The following ZNF445 variants were observed in gnomAD, a reference collection of about 807,000 sequenced individuals.
ZNF445 encodes zinc finger protein 168.
A neutral mutation model predicts 93.9 loss-of-function variants in ZNF445; 19 were observed. The observed-to-expected ratio is 0.20, with a 90% confidence interval of 0.14 to 0.30. ZNF445 has a LOEUF of 0.30. Among genes scored for constraint, ZNF445 ranks in the 10% least tolerant of loss-of-function variants. ZNF445 has a pLI of 1.00. For synonymous variants in ZNF445, 449 were observed against 446.3 expected, an observed-to-expected ratio of 1.01 and a Z score of -0.08; for missense variants, 1,058 against 1,259.4, an observed-to-expected ratio of 0.84 and a Z score of 2.42.
At chr3:44,458,176 C>T (rs1003013773) in intron 2 of ZNF445, 68 bp downstream of exon 2, 3 of 152,136 alleles carry the variant, frequency 2.0e-5, no homozygotes, top group Non-Finnish European at 4.4e-5. Flanking sequence ...CAAGACCATC[C>T]TGGTCAACAT....
intron 2 of ZNF445, 140 bp from the exon 3 acceptor site, chr3:44,455,836 G>A (rs1292968722): frequency 3.1e-6 from 1 of 327,834 alleles, no homozygotes; most frequent in Non-Finnish European, 5.5e-6. Context: ...GAGCTAGGCT[G>A]TCCCCTATTG....
rs1697849362 is a variant in ZNF445 at position 44,444,140 on chromosome 3, A to T, written c.*2435T>A. The T allele has an allele frequency of 6.6e-6, 1 of 152,242 alleles. No homozygotes were observed. The highest frequency in any genetic ancestry group is 1.5e-5 in the Non-Finnish European group (1 of 68,066). 9.4% of individuals were successfully genotyped at this position (152,242 alleles called of 1,614,324 possible). The stretch of plus-strand genomic sequence containing the variant: ...ACCCTGGGCAACCCTGTCTCAAAAA[A>T]TAAAAAAGACAGTAAAAATATCCCT... On this transcript the variant is annotated 3_prime_UTR_variant, in exon 8 of 8. Coordinates refer to ENST00000396077, the MANE Select transcript of ZNF445 (RefSeq NM_181489.6).
intron 1 of ZNF445, among the ~76,000 whole-genome samples, chr3:44,472,163 G>A (rs1030480064): frequency 1.3e-5 from 2 of 152,228 alleles, no homozygotes; most frequent in Non-Finnish European, 2.9e-5. Context: ...TTAAGTTAAA[G>A]AGAAAGAAAT....
rs1697653321 is a variant in ZNF445 at position 44,435,287 on chromosome 3, A to G, written c.*11288T>C. The G allele has an allele frequency of 6.6e-6, 1 of 152,142 alleles. No homozygotes were observed. Among genetic ancestry groups the G allele is most frequent in the African/African-American group, 2.4e-5 (1 of 41,420 alleles). 9.4% of individuals were successfully genotyped at this position (152,142 alleles called of 1,614,324 possible). A position where few individuals can be genotyped will look rare whatever the true frequency, so the allele number is the denominator to read the frequency against. ...TCCTCACTGGACAGCCTTGTGAATAATTCTTCTCTCTTTTGCAAAACCCAT... is the reference window on the plus strand; with the variant it reads ...TCCTCACTGGACAGCCTTGTGAATAGTTCTTCTCTCTTTTGCAAAACCCAT... On this transcript the variant is annotated 3_prime_UTR_variant, in exon 8 of 8. Transcript: ENST00000396077.
chr3:44,437,144 A>G lies in ZNF445; in HGVS notation c.*9431T>C, dbSNP rs977643411. ...CATGCCTCCCCTCTCCAGGCCATATAGGGTAACTTCCTGATGTTGCCATGG... is the reference window on the plus strand; with the variant it reads ...CATGCCTCCCCTCTCCAGGCCATATGGGGTAACTTCCTGATGTTGCCATGG... On this transcript the variant is annotated 3_prime_UTR_variant, in exon 8 of 8. Transcript: ENST00000396077. 6.6e-6 allele frequency: 1 copy of G among 152,240 alleles called. No homozygotes were observed. Among genetic ancestry groups the G allele is most frequent in the African/African-American group, 2.4e-5 (1 of 41,472 alleles). The allele number at this position is 152,240 out of a possible 1,614,324, so 9.4% of individuals were successfully genotyped here. A position where few individuals can be genotyped will look rare whatever the true frequency, so the allele number is the denominator to read the frequency against.
chr3:44,475,435 G>A (rs1159096978), intron 1 of ZNF445, among the ~76,000 whole-genome samples: 1 of 151,662 alleles, frequency 6.6e-6, no homozygotes, highest in African/African-American at 2.4e-5. Context: ...CCTGACCTCA[G>A]GTGACCCACC....
Position 44,446,314 on chromosome 3 carries a change from A to G in ZNF445, c.*261T>C, listed in dbSNP as rs2125677952. ...AAGGAGACCTGAATAGGGGAGCCGC[A>G]GGCTATGGTGCAGAGGCCACTCCTA... On this transcript the variant is annotated 3_prime_UTR_variant, in exon 8 of 8. Coordinates refer to ENST00000396077, the MANE Select transcript of ZNF445 (RefSeq NM_181489.6). The surrounding 1 kb of genome is among the most constrained non-coding windows in gnomAD (Gnocchi z 4.2). The G allele has an allele frequency of 2.1e-6, 1 of 476,262 alleles. No homozygotes were observed. The highest frequency in any genetic ancestry group is 3.7e-6 in the Non-Finnish European group (1 of 267,594). The allele number at this position is 476,262 out of a possible 1,614,324, so 29.5% of individuals were successfully genotyped here. A position where few individuals can be genotyped will look rare whatever the true frequency, so the allele number is the denominator to read the frequency against.
chr3:44,454,202 AAAG>A (rs1697993793), intron 3 of ZNF445, among the ~76,000 whole-genome samples: 1 of 148,608 alleles, frequency 6.7e-6, no homozygotes, highest in Non-Finnish European at 1.5e-5. Flanking sequence ...TCAAAAAAAA[AAAG>A]AAAAGAAAAG....
rs781291173 is a variant in ZNF445, at chr3:44,448,717, T to C, written c.954A>G (p.Thr318=). ...APTGDDLQSK[T]NKFILNQEPL... is the part of the protein sequence containing the mutation. ...GTTCCTGATTTAAGATGAATTTGTT[T>C]GTTTTACTCTGGAGGTCATCTCCTG... is the stretch of plus-strand genomic sequence containing the variant. The change falls in exon 8 of 8, where the codon ACA becomes ACG. Residue 318 remains threonine, a synonymous_variant. Coordinates refer to ENST00000396077, the MANE Select transcript of ZNF445 (RefSeq NM_181489.6). The C allele has an allele frequency of 8.1e-6, 13 of 1,612,920 alleles. No homozygotes were observed. Among genetic ancestry groups the C allele is most frequent in the Non-Finnish European group, 1.1e-5 (13 of 1,179,726 alleles).
chr3:44,450,426 A>C (rs749808662), intron 6 of ZNF445, 21 bp downstream of exon 6: 2 of 1,614,152 alleles, frequency 1.2e-6, no homozygotes, highest in Non-Finnish European at 1.7e-6. Context: ...GGATAGAAGC[A>C]TGAGGATATC....
At chr3:44,475,014 T>C (rs1460777025) in intron 1 of ZNF445, among the ~76,000 whole-genome samples, 1 of 151,864 alleles carries the variant, frequency 6.6e-6, no homozygotes, top group Non-Finnish European at 1.5e-5. Flanking sequence ...GGGATAATTG[T>C]TCAAAGGGGA....
rs914359020 is a variant in ZNF445, at chr3:44,432,571, A to T, written c.*14004T>A. On this transcript the variant is annotated 3_prime_UTR_variant, in exon 8 of 8. Coordinates refer to ENST00000396077, the MANE Select transcript of ZNF445 (RefSeq NM_181489.6). ...GGCAGCCAGACTTTATGTTCTCCTC[A>T]GGTCTTCAGGTGATTGGATGAAGCC... is the stretch of plus-strand genomic sequence containing the variant. The T allele has an allele frequency of 1.3e-5, 2 of 152,176 alleles. No homozygotes were observed. The highest frequency in any genetic ancestry group is 2.9e-5 in the Non-Finnish European group (2 of 68,062). The allele number at this position is 152,176 out of a possible 1,614,324, so 9.4% of individuals were successfully genotyped here. A position where few individuals can be genotyped will look rare whatever the true frequency, so the allele number is the denominator to read the frequency against.
intron 1 of ZNF445, among the ~76,000 whole-genome samples, chr3:44,468,669 C>T (rs1487446252): frequency 6.8e-6 from 1 of 146,192 alleles, no homozygotes; most frequent in Non-Finnish European, 1.5e-5. Context: ...CCGCCCCCAC[C>T]CCTCCACCCC....
Position 44,451,458 on chromosome 3 carries a change from C to T in ZNF445, c.454G>A (p.Asp152Asn). The change falls in exon 4 of 8, where the codon GAT becomes AAT. Residue 152 changes from aspartate (D) to asparagine (N), a missense_variant. By Grantham distance (23) the Asp-to-Asn change is conservative (BLOSUM62 1). Transcript: ENST00000396077. ...GCTCCTGTACCCATCCAATGCACAT[C>T]TGGGCTCTGGGCAGGGCCCGGGTCC... ...WRDPGPAQSP[D>N]VHWMGTGALR... is the part of the protein sequence containing the mutation. The T allele has an allele frequency of 6.2e-7, 1 of 1,610,106 alleles. No homozygotes were observed. The highest frequency in any genetic ancestry group is 1.1e-5 in the South Asian group (1 of 90,966).
rs1421001537 is a variant in ZNF445, at chr3:44,432,027, C to G, written c.*14548G>C. 3 of 152,266 alleles carry G rather than the reference C, an allele frequency of 2.0e-5. No homozygotes were observed. Among genetic ancestry groups the G allele is most frequent in the East Asian group, 3.9e-4 (2 of 5,178 alleles). The allele number at this position is 152,266 out of a possible 1,614,324, so 9.4% of individuals were successfully genotyped here. ...CTATTCTCCCATCTTAGCCTCCCAGCTGGGATTACAGGCATGAGCCACTGC... is the reference window on the plus strand; with the variant it reads ...CTATTCTCCCATCTTAGCCTCCCAGGTGGGATTACAGGCATGAGCCACTGC... On this transcript the variant is annotated 3_prime_UTR_variant, in exon 8 of 8. Coordinates refer to ENST00000396077, the MANE Select transcript of ZNF445 (RefSeq NM_181489.6).
rs558226198 is a variant in ZNF445 at position 44,450,217 on chromosome 3, G to C, written c.820+230C>G. 31 of 535,402 alleles carry C rather than the reference G, an allele frequency of 5.8e-5. 1 individual carries two copies. The highest frequency in any genetic ancestry group is 3.8e-4 in the Admixed American group (12 of 31,704). The allele number at this position is 535,402 out of a possible 1,614,324, so 33.2% of individuals were successfully genotyped here. On this transcript the variant is annotated intron_variant, in intron 6 of 7. Transcript: ENST00000396077. ...GCCTCCCGAAGTGGTGGGATTACAG[G>C]TGTGAGCTACCACACCCAGCCACCT...
At chr3:44,464,591 G>C (rs1698165994) in intron 1 of ZNF445, among the ~76,000 whole-genome samples, 1 of 152,122 alleles carries the variant, frequency 6.6e-6, no homozygotes, top group African/African-American at 2.4e-5. Flanking sequence ...GGAAACATTT[G>C]GTCTAAATTA....
Position 44,439,310 on chromosome 3 carries a change from CAAAAAAAAAAA to C in ZNF445, c.*7254_*7264del, listed in dbSNP as rs556191734. On this transcript the variant is annotated 3_prime_UTR_variant, in exon 8 of 8. Transcript: ENST00000396077. ...TGGGTGACAGGGTGAGACCTTGTCTCAAAAAAAAAAAAAAAAAAAAAGCAAAACGCAAAAAG... is the reference window on the plus strand; with the variant it reads ...TGGGTGACAGGGTGAGACCTTGTCTCAAAAAAAAAAGCAAAACGCAAAAAG... 28 of 62,786 alleles carry C rather than the reference CAAAAAAAAAAA, an allele frequency of 4.5e-4. 1 individual carries two copies. Among genetic ancestry groups the C allele is most frequent in the Admixed American group, 4.0e-3 (26 of 6,446 alleles). 3.9% of individuals were successfully genotyped at this position (62,786 alleles called of 1,614,324 possible). A position where few individuals can be genotyped will look rare whatever the true frequency, so the allele number is the denominator to read the frequency against.
In ZNF445 at chr3:44,440,138, T is replaced by C. The variant is rs1329553192; in HGVS notation, c.*6437A>G. The C allele has an allele frequency of 1.3e-5, 2 of 152,228 alleles. No homozygotes were observed. Among genetic ancestry groups the C allele is most frequent in the East Asian group, 3.8e-4 (2 of 5,202 alleles). 9.4% of individuals were successfully genotyped at this position (152,228 alleles called of 1,614,324 possible). On this transcript the variant is annotated 3_prime_UTR_variant, in exon 8 of 8. Transcript: ENST00000396077. ...GACACCTTGGCATTTTCTTCTTGCC[T>C]TTTTAGCTACTTAAATATAGTACAC... is the stretch of plus-strand genomic sequence containing the variant.
Sources: allele counts gnomAD v4.1 joint callset (sites outside exome capture counted in the v4.1 genomes callset), GRCh38; gene constraint gnomAD v4.1.1; non-coding constraint Gnocchi (gnomAD v3.1); transcripts MANE v1.5; gene names NCBI Gene and HGNC (gene_info 2026-07-23, HGNC 2026-07-21).